TBCEL: variants seen among roughly 807,000 people sequenced by gnomAD.
The protein encoded by TBCEL is tubulin folding cofactor E like, also known as tubulin-specific chaperone cofactor E-like protein.
In TBCEL, 15 loss-of-function variants were observed where a neutral mutation model predicts 44.2. The ratio of observed to expected loss-of-function variants is 0.34; its 90% CI spans 0.23 to 0.52. TBCEL has a LOEUF of 0.52. Among genes scored for constraint, TBCEL ranks in the 20% least tolerant of loss-of-function variants. The pLI is 0.95. For synonymous variants in TBCEL, 171 were observed against 185.4 expected, an observed-to-expected ratio of 0.92 and a Z score of 0.63; for missense variants, 319 against 506.3, an observed-to-expected ratio of 0.63 and a Z score of 3.55.
chr11:121,029,675 C>T (rs1273293449), intron 1 of TBCEL, among the ~76,000 whole-genome samples: 1 of 152,184 alleles, frequency 6.6e-6, no homozygotes, highest in Non-Finnish European at 1.5e-5. Context: ...TGATTAATCA[C>T]TAATCATTCT....
At chr11:121,040,717 A>G (rs1438399886) in intron 2 of TBCEL, among the ~76,000 whole-genome samples, 7 of 152,164 alleles carry the variant, frequency 4.6e-5, no homozygotes, top group Admixed American at 4.6e-4. Context: ...AATAATGAAG[A>G]CATTAAAAAA....
At chr11:121,082,183 G>A (rs551543862) in intron 8 of TBCEL, among the ~76,000 whole-genome samples, 34 of 152,344 alleles carry the variant, frequency 2.2e-4, no homozygotes, top group Non-Finnish European at 4.9e-4. Flanking sequence ...ACAGTCCTGT[G>A]GGACAGAAGT....
intron 8 of TBCEL, among the ~76,000 whole-genome samples, chr11:121,071,197 G>A (rs2134991453): frequency 6.6e-6 from 1 of 152,110 alleles, no homozygotes; most frequent in Admixed American, 6.5e-5. Context: ...TTCATTTTGT[G>A]TTTACTTTCT....
Position 121,055,276 on chromosome 11 carries a change from C to T in TBCEL, c.680C>T (p.Pro227Leu). ...EPDDSLARLFPNLRSISLHKS... is the reference protein window; with the variant it reads ...EPDDSLARLFLNLRSISLHKS... ...GATGATTCATTGGCCAGGTTGTTTC[C>T]TAATCTTCGATCCATCAGCCTCCAC... Residue 227 changes from proline (P) to leucine (L), a missense_variant, in exon 6 of 9, where the codon CCT becomes CTT. Physicochemically the swap from Pro to Leu is moderately conservative, Grantham distance 98 (BLOSUM62 -3). Coordinates refer to ENST00000683345, the MANE Select transcript of TBCEL (RefSeq NM_001363644.2). 1 of 1,610,580 alleles carries T rather than the reference C, an allele frequency of 6.2e-7. No homozygotes were observed. The highest frequency in any genetic ancestry group is 8.5e-7 in the Non-Finnish European group (1 of 1,178,194).
chr11:121,029,639 C>T (rs538821886), intron 1 of TBCEL, among the ~76,000 whole-genome samples: 1 of 152,310 alleles, frequency 6.6e-6, no homozygotes, highest in East Asian at 1.9e-4. Flanking sequence ...TTCCCAAATT[C>T]AGGATCTTAA....
At chr11:121,041,852 T>G (rs2134908885) in intron 2 of TBCEL, among the ~76,000 whole-genome samples, 1 of 150,382 alleles carries the variant, frequency 6.6e-6, no homozygotes, top group Non-Finnish European at 1.5e-5. Flanking sequence ...CCTGGAAAGC[T>G]AATCCAATAA....
chr11:121,086,396 C>T (rs1329117152), intron 8 of TBCEL, among the ~76,000 whole-genome samples: 1 of 152,218 alleles, frequency 6.6e-6, no homozygotes, highest in African/African-American at 2.4e-5. Flanking sequence ...ATCTTTCCAT[C>T]TATTCCCAAG....
intron 2 of TBCEL, among the ~76,000 whole-genome samples, chr11:121,044,625 A>G (rs527482609): frequency 6.5e-4 from 99 of 152,256 alleles, no homozygotes; most frequent in Non-Finnish European, 1.0e-3. Context: ...TTAGCTGCCT[A>G]TATTTTGATT....
At chr11:121,055,750 G>C (rs893869618) in intron 6 of TBCEL, among the ~76,000 whole-genome samples, 1 of 151,742 alleles carries the variant, frequency 6.6e-6, no homozygotes, top group African/African-American at 2.4e-5. Context: ...TGTATCACAG[G>C]AATGAATTTA....
At chr11:121,030,006 T>C (rs1396943238) in intron 1 of TBCEL, among the ~76,000 whole-genome samples, 2 of 152,146 alleles carry the variant, frequency 1.3e-5, no homozygotes, top group Non-Finnish European at 2.9e-5. Context: ...ATAAGTGCTA[T>C]AAAGAATGAC....
At chr11:121,034,508 T>G (rs1050426677) in intron 1 of TBCEL, among the ~76,000 whole-genome samples, 1 of 152,146 alleles carries the variant, frequency 6.6e-6, no homozygotes, top group Non-Finnish European at 1.5e-5. Context: ...ATTTCAGAGT[T>G]TATTAGTCAA....
intron 8 of TBCEL, among the ~76,000 whole-genome samples, chr11:121,086,397 T>C (rs1286432199): frequency 6.6e-6 from 1 of 152,240 alleles, no homozygotes; most frequent in East Asian, 1.9e-4. Context: ...TCTTTCCATC[T>C]ATTCCCAAGG....
At position 121,025,903 on chromosome 11, in the gene TBCEL, CGTGT is replaced by C. The variant is rs565388759; in HGVS notation, c.-126+1617_-126+1620del. Among the ~76,000 whole-genome samples the C allele has an allele frequency of 4.5e-3, 688 of 152,006 alleles. 5 individuals carry two copies. Among genetic ancestry groups the C allele is most frequent in the Middle Eastern group, 0.014 (4 of 294 alleles). ...TTTGATTGATGAAATTTTTTGTATG[CGTGT>C]GTGTTTTAGTTTCCTTTATCCTTTG... On this transcript the variant is annotated intron_variant, in intron 1 of 8. Transcript: ENST00000683345.
chr11:121,067,962 C>T (rs1945851531), intron 8 of TBCEL, among the ~76,000 whole-genome samples: 1 of 152,218 alleles, frequency 6.6e-6, no homozygotes, highest in Non-Finnish European at 1.5e-5. Context: ...ATTTCCTTTG[C>T]TGGGCCCTCT....
At chr11:121,086,683 T>C (rs1447537222) in intron 8 of TBCEL, 95 bp from the exon 9 acceptor site, 1 of 911,134 alleles carries the variant, frequency 1.1e-6, no homozygotes, top group Non-Finnish European at 1.7e-6. Flanking sequence ...TTAAAGATGT[T>C]GAGCCTAGTA....
At chr11:121,058,265 T>C in intron 6 of TBCEL, 80 bp from the exon 7 acceptor site, 1 of 1,471,106 alleles carries the variant, frequency 6.8e-7, no homozygotes, top group Non-Finnish European at 9.3e-7. Context: ...AGTTACTAAT[T>C]GAGCTAATAT....
chr11:121,041,210 A>G (rs901973707), intron 2 of TBCEL, among the ~76,000 whole-genome samples: 8 of 152,134 alleles, frequency 5.3e-5, no homozygotes, highest in Non-Finnish European at 1.0e-4. Context: ...GCTTCTTACT[A>G]ATTTTGACCT....
rs777411358 is a variant in TBCEL at position 121,047,512 on chromosome 11, GTC to G, written c.134-11_134-10del. 2.2e-5 allele frequency: 35 copies of G among 1,610,102 alleles called. No individual in the cohort carries two copies. The highest frequency in any genetic ancestry group is 2.4e-5 in the Non-Finnish European group (28 of 1,177,344). On this transcript the variant is annotated splice_polypyrimidine_tract_variant and intron_variant, in intron 3 of 8. Coordinates refer to ENST00000683345, the MANE Select transcript of TBCEL (RefSeq NM_001363644.2). ...TTGGCTGATATAGAAAACATTTTGT[GTC>G]TCTCATCATTCAGATCGCCTCAACC...
intron 8 of TBCEL, 43 bp downstream of exon 8, chr11:121,060,128 T>G: frequency 6.9e-7 from 1 of 1,439,920 alleles, no homozygotes; most frequent in Non-Finnish European, 9.7e-7. Context: ...AGGGTGGTGA[T>G]GCCAGTTAAG....
Sources: allele counts gnomAD v4.1 joint callset (sites outside exome capture counted in the v4.1 genomes callset), GRCh38; gene constraint gnomAD v4.1.1; transcripts MANE v1.5; gene names NCBI Gene and HGNC (gene_info 2026-07-23, HGNC 2026-07-21).